The following PCDH15 variants were observed in gnomAD, a reference collection of about 807,000 sequenced individuals.
PCDH15 encodes protocadherin-15.
A neutral mutation model predicts 178.5 loss-of-function variants in PCDH15; 129 were observed. That is an observed-to-expected ratio of 0.72 (90% confidence interval 0.63 to 0.84). The LOEUF (loss-of-function observed/expected upper bound fraction) is 0.84. Among genes scored for constraint, PCDH15 ranks in the 40% least tolerant of loss-of-function variants. The pLI, the probability that PCDH15 is intolerant of heterozygous loss-of-function variation, is 0.00. For synonymous variants in PCDH15, 800 were observed against 732.0 expected (o/e 1.09, Z -1.50); for missense variants, 2,230 against 2,099.9 (o/e 1.06, Z -1.21).
intron 1 of PCDH15, among the ~76,000 whole-genome samples, chr10:55,206,626 T>C (rs1351074074): frequency 1.3e-5 from 2 of 152,174 alleles, no homozygotes; most frequent in South Asian, 2.1e-4. Context: ...CTATAATTAA[T>C]ATAAGTGCAT....
chr10:54,337,892 C>A (rs986449036), intron 6 of PCDH15, among the ~76,000 whole-genome samples: 3 of 152,188 alleles, frequency 2.0e-5, no homozygotes. Context: ...TCTCTTTGTT[C>A]TCTGAAATGT....
In PCDH15 at chr10:53,805,679, T is replaced by TATTA. The variant is rs1295957426; in HGVS notation, c.*896_*899dup. ...ACTCTGATATGCTGGGTTTACAAAC[T>TATTA]ATTAAAGTCTAGTGACATTAATGTG... is the stretch of plus-strand genomic sequence containing the variant. On this transcript the variant is annotated 3_prime_UTR_variant, in exon 38 of 38. Coordinates refer to ENST00000644397, the MANE Select transcript of PCDH15 (RefSeq NM_001384140.1). 2 of 152,108 alleles carry TATTA rather than the reference T, an allele frequency of 1.3e-5. No homozygotes were observed. Among genetic ancestry groups the TATTA allele is most frequent in the Non-Finnish European group, 1.5e-5 (1 of 68,000 alleles). 9.4% of individuals were successfully genotyped at this position (152,108 alleles called of 1,614,324 possible). A position where few individuals can be genotyped will look rare whatever the true frequency, so the allele number is the denominator to read the frequency against.
At chr10:55,107,347 C>G (rs1413592782) in intron 2 of PCDH15, among the ~76,000 whole-genome samples, 1 of 152,108 alleles carries the variant, frequency 6.6e-6, no homozygotes, top group Admixed American at 6.6e-5. Context: ...GAAATGTTAA[C>G]AACAGGCTTA....
At chr10:55,145,525 A>G (rs1404571695) in intron 2 of PCDH15, among the ~76,000 whole-genome samples, 2 of 151,982 alleles carry the variant, frequency 1.3e-5, no homozygotes, top group African/African-American at 4.8e-5. Flanking sequence ...ATGTAGACCC[A>G]TAATTGTAGG....
intron 9 of PCDH15, among the ~76,000 whole-genome samples, chr10:54,231,429 C>A (rs2054055827): frequency 6.6e-6 from 1 of 152,238 alleles, no homozygotes; most frequent in Non-Finnish European, 1.5e-5. Flanking sequence ...AGGCAGAAAT[C>A]TGCTGCAGGG....
chr10:55,482,994 C>T (rs190272525), intron 2 of PCDH15, among the ~76,000 whole-genome samples: 1 of 151,772 alleles, frequency 6.6e-6, no homozygotes, highest in East Asian at 2.0e-4. Context: ...TGAAAATGGA[C>T]CCCTTTCTTA....
intron 1 of PCDH15, among the ~76,000 whole-genome samples, chr10:55,185,595 G>A (rs925905269): frequency 2.6e-5 from 4 of 151,654 alleles, no homozygotes; most frequent in African/African-American, 9.7e-5. Flanking sequence ...CAGTGAGTAA[G>A]ATTTTATTTT....
At chr10:55,462,782 G>A (rs569796348) in intron 2 of PCDH15, among the ~76,000 whole-genome samples, 4 of 152,008 alleles carry the variant, frequency 2.6e-5, no homozygotes, top group Non-Finnish European at 5.9e-5. Context: ...AGCCTTGAAG[G>A]TTGCTGAGTT....
At position 54,513,496 on chromosome 10, in the gene PCDH15, G is replaced by C. The variant is rs1328153938; in HGVS notation, c.157+14316C>G. On this transcript the variant is annotated intron_variant, in intron 3 of 37. Transcript: ENST00000644397. ...CAGTATTCCCTCACATTAGAATATT[G>C]TTATATTATTTTCTATTATTTCAAA... 2.0e-5 allele frequency among the ~76,000 whole-genome samples: 3 copies of C among 151,888 alleles called. No homozygotes were observed. The East Asian group carries it at 5.8e-4, about 29-fold the overall frequency.
At chr10:54,069,402 T>C (rs12256879) in intron 17 of PCDH15, among the ~76,000 whole-genome samples, 32,071 of 152,118 alleles carry the variant, frequency 0.21, 3,582 homozygotes, top group Non-Finnish European at 0.25. Context: ...AACTAAGAAG[T>C]CAAATAACAA....
intron 2 of PCDH15, among the ~76,000 whole-genome samples, chr10:55,385,058 C>A (rs1296490143): frequency 3.9e-5 from 6 of 152,068 alleles, no homozygotes. Context: ...TAAATATTGC[C>A]TTTAATGTAG....
chr10:54,307,100 GTGTGTATATATATATATATATA>G (rs2060581422), intron 8 of PCDH15, among the ~76,000 whole-genome samples: 11 of 15,526 alleles, frequency 7.1e-4, no homozygotes, highest in Admixed American at 1.0e-3. Flanking sequence ...ATATGTGTGT[GTGTGTATATATATATATATATA>G]TATATATATA....
intron 3 of PCDH15, among the ~76,000 whole-genome samples, chr10:54,870,205 A>G (rs924652284): frequency 6.6e-6 from 1 of 152,192 alleles, no homozygotes; most frequent in African/African-American, 2.4e-5. Flanking sequence ...TGACACAAGT[A>G]GTTGTTAACA....
chr10:54,304,490 TG>T lies in PCDH15; in HGVS notation c.876+12780del, dbSNP rs1247193471. Among the ~76,000 whole-genome samples, 3 of 151,978 alleles carry T rather than the reference TG, an allele frequency of 2.0e-5. No homozygotes were observed. In the South Asian group the frequency reaches 6.2e-4, roughly 31 times the overall value. ...TTACACAAAATGAACAGCAAAAGCT[TG>T]GGCATGAGAACAAACTTAGAATGTC... is the stretch of plus-strand genomic sequence containing the variant. On this transcript the variant is annotated intron_variant, in intron 8 of 37. Transcript: ENST00000644397.
chr10:54,665,033 C>T (rs916536826), intron 1 of PCDH15, among the ~76,000 whole-genome samples: 5 of 151,648 alleles, frequency 3.3e-5, no homozygotes, highest in African/African-American at 1.2e-4. Context: ...ATTATCCACA[C>T]AGAATTGTTC....
intron 1 of PCDH15, among the ~76,000 whole-genome samples, chr10:54,755,607 T>C (rs1946964062): frequency 6.6e-6 from 1 of 152,120 alleles, no homozygotes; most frequent in Non-Finnish European, 1.5e-5. Context: ...CTTCTTATGA[T>C]AAAATAAAGA....
At chr10:54,860,918 A>C (rs1953828779) in intron 3 of PCDH15, among the ~76,000 whole-genome samples, 2 of 152,158 alleles carry the variant, frequency 1.3e-5, no homozygotes, top group African/African-American at 4.8e-5. Flanking sequence ...TTTTTCTTAC[A>C]GAATTTATTT....
At chr10:55,556,933 T>C (rs1184801323) in intron 2 of PCDH15, among the ~76,000 whole-genome samples, 1 of 152,210 alleles carries the variant, frequency 6.6e-6, no homozygotes, top group Non-Finnish European at 1.5e-5. Flanking sequence ...GTGTATTTGC[T>C]CTTTATTGAA....
intron 8 of PCDH15, among the ~76,000 whole-genome samples, chr10:54,238,677 T>TCTCTCTCA (rs1186937599): frequency 1.2e-4 from 17 of 144,360 alleles, no homozygotes; most frequent in Non-Finnish European, 1.7e-4. Flanking sequence ...TCTCTCTCTC[T>TCTCTCTCA]CACACACACA....
Sources: allele counts gnomAD v4.1 joint callset (sites outside exome capture counted in the v4.1 genomes callset), GRCh38; gene constraint gnomAD v4.1.1; transcripts MANE v1.5; gene names NCBI Gene and HGNC (gene_info 2026-07-23, HGNC 2026-07-21).